Variants in TDRD9 observed in about 807,000 individuals in gnomAD.
TDRD9 encodes the protein ATP-dependent RNA helicase TDRD9.
A neutral mutation model predicts 172.6 loss-of-function variants in TDRD9; 124 were observed. The ratio of observed to expected loss-of-function variants is 0.72; its 90% CI spans 0.62 to 0.83. TDRD9 has a LOEUF of 0.83. Ranked by LOEUF, TDRD9 falls within the 40% of genes least tolerant of loss-of-function variation. TDRD9 has a pLI of 0.00. For synonymous variants in TDRD9, 619 were observed against 617.1 expected, an observed-to-expected ratio of 1.00 and a Z score of -0.05; for missense variants, 1,479 against 1,714.1, an observed-to-expected ratio of 0.86 and a Z score of 2.42.
chr14:104,019,792 C>T (rs1203572008), intron 23 of TDRD9, among the ~76,000 whole-genome samples: 1 of 152,130 alleles, frequency 6.6e-6, no homozygotes, highest in African/African-American at 2.4e-5. Context: ...AGTGGAGAGT[C>T]AAATTAGTTT....
Position 104,026,946 on chromosome 14 carries a change from G to C in TDRD9, c.3282+7G>C, listed in dbSNP as rs1169462211. On this transcript the variant is annotated splice_region_variant and intron_variant, in intron 28 of 35. Transcript: ENST00000409874. The stretch of plus-strand genomic sequence containing the variant: ...GGAGTCCTACGAGTCCAAGGTGTGT[G>C]CTTTCGCCGTTGCTGGAGCACGCGT... 1 of 1,610,908 alleles carries C rather than the reference G, an allele frequency of 6.2e-7. No individual in the cohort carries two copies.
At chr14:103,929,464 G>A (rs2030219605) in intron 1 of TDRD9, among the ~76,000 whole-genome samples, 1 of 151,928 alleles carries the variant, frequency 6.6e-6, no homozygotes, top group African/African-American at 2.4e-5. Flanking sequence ...CCACTGTCTG[G>A]ATGTACCACA....
intron 7 of TDRD9, among the ~76,000 whole-genome samples, chr14:103,976,550 C>T (rs571440767): frequency 4.0e-5 from 6 of 151,262 alleles, no homozygotes; most frequent in African/African-American, 7.3e-5. Context: ...CATGAGCCAC[C>T]GCGCCTGGCC....
In TDRD9 at chr14:104,009,269, A is replaced by G. The variant is rs74087001; in HGVS notation, c.2106+803A>G. 8.2e-3 allele frequency among the ~76,000 whole-genome samples: 1,251 copies of G among 152,370 alleles called. 16 individuals carry two copies. Among genetic ancestry groups the G allele is most frequent in the African/African-American group, 0.029 (1,191 of 41,582 alleles). ...CAGGGTTTCCCAACACCTGGGCCAT[A>G]TTCTCCTTTTGAGAATATAACTAAT... On this transcript the variant is annotated intron_variant, in intron 20 of 35. Transcript: ENST00000409874.
intron 2 of TDRD9, among the ~76,000 whole-genome samples, chr14:103,956,135 T>C (rs1383397125): frequency 3.1e-5 from 3 of 97,370 alleles, no homozygotes; most frequent in Non-Finnish European, 5.6e-5. Flanking sequence ...TATATATATA[T>C]ATATATATAT....
chr14:104,040,223 T>C lies in TDRD9; in HGVS notation c.3744T>C (p.Thr1248=), dbSNP rs1400072216. The C allele has an allele frequency of 1.9e-6, 3 of 1,550,920 alleles. No individual in the cohort carries two copies. Among genetic ancestry groups the C allele is most frequent in the Non-Finnish European group, 2.6e-6 (3 of 1,146,634 alleles). ...LRIDQNGKYY[T]GVLCGLGWNP... ...TTGATCAGAATGGCAAGTACTATAC[T>C]GGAGTCCTTTGTGGTTTGGGGTGGA... The change falls in exon 33 of 36, where the codon ACT becomes ACC. Residue 1248 remains threonine, a synonymous_variant. Transcript: ENST00000409874.
At position 103,928,544 on chromosome 14, in the gene TDRD9, A is replaced by T; in HGVS notation, c.35A>T (p.Asp12Val). 1 of 1,394,830 alleles carries T rather than the reference A, an allele frequency of 7.2e-7. No homozygotes were observed. Among genetic ancestry groups the T allele is most frequent in the East Asian group, 3.2e-5 (1 of 30,778 alleles). The allele number at this position is 1,394,830 out of a possible 1,614,324, so 86.4% of individuals were successfully genotyped here. Residue 12 changes from aspartate (D) to valine (V), a missense_variant, in exon 1 of 36, where the codon GAC becomes GTC. Asp to Val is a radical substitution (Grantham distance 152). This residue lies in a region of TDRD9 where 63 missense variants were observed against 48.4 expected (regional missense o/e 1.30). Transcript: ENST00000409874. ...AAGCTCACCATCGAGCAGATCAACG[A>T]CTGGTTCACCATCGGCAAGACGGTG... ...LRKLTIEQINDWFTIGKTVTN... is the reference protein window; with the variant it reads ...LRKLTIEQINVWFTIGKTVTN...
chr14:103,937,619 C>T (rs1162780875), intron 1 of TDRD9, among the ~76,000 whole-genome samples: 6 of 152,176 alleles, frequency 3.9e-5, no homozygotes, highest in Admixed American at 2.6e-4. Context: ...TTTGGCCCCT[C>T]CCCCATCCCA....
intron 31 of TDRD9, 29 bp from the exon 32 acceptor site, chr14:104,034,931 C>T: frequency 6.5e-7 from 1 of 1,527,890 alleles, no homozygotes; most frequent in Non-Finnish European, 8.9e-7. Flanking sequence ...GAGTTAATGC[C>T]CGATGTTGAT....
intron 22 of TDRD9, among the ~76,000 whole-genome samples, chr14:104,017,168 G>A (rs1311922922): frequency 6.6e-6 from 1 of 151,782 alleles, no homozygotes; most frequent in Admixed American, 6.6e-5. Context: ...TCAGCTGTGC[G>A]CAAGAGGAAG....
At chr14:104,041,505 G>A (rs1264773858) in intron 33 of TDRD9, among the ~76,000 whole-genome samples, 1 of 152,208 alleles carries the variant, frequency 6.6e-6, no homozygotes, top group African/African-American at 2.4e-5. Flanking sequence ...TCCACAATAT[G>A]TAAGGCACTC....
Position 104,022,148 on chromosome 14 carries a change from G to A in TDRD9, c.2433-9G>A, listed in dbSNP as rs2034973605. The A allele has an allele frequency of 1.3e-6, 2 of 1,545,318 alleles. No individual in the cohort carries two copies. The highest frequency in any genetic ancestry group is 4.9e-5 in the East Asian group (2 of 40,666). ...TAAATTTATTTTTAAATTTACATTT[G>A]TGGAACAGAGCCTTTGTGGAATTCT... On this transcript the variant is annotated splice_polypyrimidine_tract_variant and intron_variant, in intron 23 of 35. Coordinates refer to ENST00000409874, the MANE Select transcript of TDRD9 (RefSeq NM_153046.3).
intron 1 of TDRD9, among the ~76,000 whole-genome samples, chr14:103,935,338 C>CT (rs2030689500): frequency 6.6e-6 from 1 of 152,116 alleles, no homozygotes; most frequent in Non-Finnish European, 1.5e-5. Flanking sequence ...GGGACATGTT[C>CT]TTAAGCTAGA....
chr14:103,939,212 C>T (rs1484634451), intron 1 of TDRD9, among the ~76,000 whole-genome samples: 3 of 152,164 alleles, frequency 2.0e-5, no homozygotes, highest in African/African-American at 7.2e-5. Flanking sequence ...AAATGATTTG[C>T]ATCTCTTCAT....
chr14:104,013,607 T>G (rs1349888187), intron 20 of TDRD9: 1 of 152,252 alleles, frequency 6.6e-6, no homozygotes, highest in Non-Finnish European at 1.5e-5. Flanking sequence ...ATCCTTAACA[T>G]TACTTATTAA....
At position 103,977,359 on chromosome 14, in the gene TDRD9, G is replaced by A. The variant is rs149134883; in HGVS notation, c.1011+1806G>A. 1.9e-3 allele frequency among the ~76,000 whole-genome samples: 287 copies of A among 151,866 alleles called. 1 individual carries two copies. Among genetic ancestry groups the A allele is most frequent in the African/African-American group, 6.8e-3 (280 of 41,404 alleles). On this transcript the variant is annotated intron_variant, in intron 7 of 35. Coordinates refer to ENST00000409874, the MANE Select transcript of TDRD9 (RefSeq NM_153046.3). ...AACCAAAAAATTAGCCGGGCGTGGC[G>A]GCAGGTGCCTGTAGTCCCAGCTACT...
At position 104,011,735 on chromosome 14, in the gene TDRD9, A is replaced by G. The variant is rs567939546; in HGVS notation, c.2107-2990A>G. On this transcript the variant is annotated intron_variant, in intron 20 of 35. Transcript: ENST00000409874. Reference sequence around the variant, plus strand: ...AACTGGTAACACCTTTCTTGTTCTTATTGTTGTGTATTTGTGTACTCTCAT... The same window carrying G: ...AACTGGTAACACCTTTCTTGTTCTTGTTGTTGTGTATTTGTGTACTCTCAT... 2.0e-5 allele frequency among the ~76,000 whole-genome samples: 3 copies of G among 152,160 alleles called. No homozygotes were observed. In the South Asian group the frequency reaches 6.2e-4, roughly 32 times the overall value.
At position 104,022,232 on chromosome 14, in the gene TDRD9, G is replaced by A. The variant is rs2034976991; in HGVS notation, c.2508G>A (p.Met836Ile). 6.2e-7 allele frequency: 1 copy of A among 1,606,370 alleles called. No individual in the cohort carries two copies. The highest frequency in any genetic ancestry group is 1.1e-5 in the South Asian group (1 of 89,244). The change falls in exon 24 of 36, where the codon ATG becomes ATA. Residue 836 changes from methionine to isoleucine, a missense_variant. This residue lies in a region of TDRD9 where 1,413 missense variants were observed against 1,649.1 expected (regional missense o/e 0.86). Transcript: ENST00000409874. ...TLPAVYMAIK[M>I]SQLKVSLELS... ...CTGCAGTATATATGGCAATTAAGAT[G>A]TCTCAACTAAAAGTTTCACTTGAAC...
Position 103,928,495 on chromosome 14 carries a change from G to A in TDRD9, c.-15G>A, listed in dbSNP as rs1337474717. 2.1e-6 allele frequency: 3 copies of A among 1,433,200 alleles called. No homozygotes were observed. The highest frequency in any genetic ancestry group is 2.8e-6 in the Non-Finnish European group (3 of 1,084,018). The allele number at this position is 1,433,200 out of a possible 1,614,324, so 88.8% of individuals were successfully genotyped here. A position where few individuals can be genotyped will look rare whatever the true frequency, so the allele number is the denominator to read the frequency against. ...GACCCGGCAGTTGGGGGATGCCGAC[G>A]CCTGGGCCTTGAGGATGCTGCGGAA... On this transcript the variant is annotated 5_prime_UTR_variant, in exon 1 of 36. Coordinates refer to ENST00000409874, the MANE Select transcript of TDRD9 (RefSeq NM_153046.3).
Sources: gnomAD v4.1 joint callset for allele counts (sites outside exome capture counted in the v4.1 genomes callset) on GRCh38, gnomAD v4.1.1 for gene constraint, gnomAD v4.1.1 regional missense constraint, MANE v1.5 for transcripts, NCBI Gene and HGNC (gene_info 2026-07-23, HGNC 2026-07-21) for gene names.